The following MEGF11 variants were observed in gnomAD, a reference collection of about 807,000 sequenced individuals.
MEGF11 encodes the protein multiple epidermal growth factor-like domains protein 11.
A neutral mutation model predicts 146.6 loss-of-function variants in MEGF11; 126 were observed. The ratio of observed to expected loss-of-function variants is 0.86; its 90% confidence interval spans 0.74 to 1.00. MEGF11 has a LOEUF of 1.00. MEGF11 is among the 50% of genes least tolerant of loss of function. The pLI is 0.00. For synonymous variants in MEGF11, 532 were observed against 583.4 expected, an observed-to-expected ratio of 0.91 and a Z score of 1.27; for missense variants, 1,509 against 1,521.2, an observed-to-expected ratio of 0.99 and a Z score of 0.13.
intron 4 of MEGF11, among the ~76,000 whole-genome samples, chr15:66,100,840 G>A (rs371752554): frequency 6.9e-6 from 1 of 145,028 alleles, no homozygotes; most frequent in African/African-American, 2.6e-5. Context: ...GAATGAGTGA[G>A]TGAGCCACTG....
intron 1 of MEGF11, among the ~76,000 whole-genome samples, chr15:66,138,848 G>T (rs1394566032): frequency 6.6e-6 from 1 of 152,184 alleles, no homozygotes; most frequent in African/African-American, 2.4e-5. Context: ...TATCAGCATG[G>T]CTGGGTTTGG....
intron 5 of MEGF11, among the ~76,000 whole-genome samples, chr15:66,078,287 C>G (rs2085679317): frequency 6.6e-6 from 1 of 152,242 alleles, no homozygotes. Flanking sequence ...CAAAGCCCAG[C>G]CTCCTTCCCT....
At chr15:66,239,636 C>G (rs1050599552) in intron 1 of MEGF11, among the ~76,000 whole-genome samples, 3 of 152,212 alleles carry the variant, frequency 2.0e-5, no homozygotes, top group African/African-American at 7.2e-5. Flanking sequence ...CAGCCTCCCC[C>G]AGGGTGAGGG....
chr15:65,982,177 C>T lies in MEGF11; in HGVS notation c.641+65G>A. On this transcript the variant is annotated intron_variant, in intron 6 of 25. Transcript: ENST00000395614. This position sits in a 1 kb window ranked among gnomAD's most constrained non-coding sequence, Gnocchi z 5.6. ...CCCTCCACCTCCTCTACCCTCCCCA[C>T]CCAGGCACCCTCCAGGTCCCGCCCC... 1 of 1,489,158 alleles carries T rather than the reference C, an allele frequency of 6.7e-7. No individual in the cohort carries two copies. The highest frequency in any genetic ancestry group is 8.9e-7 in the Non-Finnish European group (1 of 1,119,138). The allele number at this position is 1,489,158 out of a possible 1,614,324, so 92.2% of individuals were successfully genotyped here. A position where few individuals can be genotyped will look rare whatever the true frequency, so the allele number is the denominator to read the frequency against.
intron 5 of MEGF11, among the ~76,000 whole-genome samples, chr15:66,041,225 C>T (rs2140296407): frequency 6.6e-6 from 1 of 152,306 alleles, no homozygotes; most frequent in Non-Finnish European, 1.5e-5. Flanking sequence ...CGGAACAGGT[C>T]TTTGGTAAGT....
intron 23 of MEGF11, among the ~76,000 whole-genome samples, chr15:65,908,652 A>G (rs2078702097): frequency 6.6e-6 from 1 of 152,232 alleles, no homozygotes; most frequent in African/African-American, 2.4e-5. Context: ...TATTGGCCAG[A>G]GAGCTAACTC....
intron 1 of MEGF11, among the ~76,000 whole-genome samples, chr15:66,236,723 G>A (rs2092100567): frequency 6.6e-6 from 1 of 152,128 alleles, no homozygotes; most frequent in African/African-American, 2.4e-5. Flanking sequence ...GGCTGTGGTG[G>A]TTGTTTGCAG....
chr15:65,914,971 C>G (rs149260571), intron 19 of MEGF11, among the ~76,000 whole-genome samples: 18 of 152,330 alleles, frequency 1.2e-4, no homozygotes, highest in Non-Finnish European at 2.4e-4. Context: ...GACTCCATCC[C>G]CTTTAGGCCC....
rs1354420640 is a variant in MEGF11, at chr15:66,119,177, A to C, written c.210T>G (p.Tyr70Ter). ...WFKCTRHRISYKTAYRRGLRT... is the reference protein window; with the variant it reads ...WFKCTRHRIS ...GGAGGCCTCTCCGATACGCCGTCTT[A>C]TAACTGATCCTAAGGCACAAGGGAG... The change falls in exon 4 of 26, where the codon TAT becomes TAG. Residue 70 changes from tyrosine to a stop codon, truncating the protein, a stop_gained. Coordinates refer to ENST00000395614, the MANE Select transcript of MEGF11 (RefSeq NM_001385028.1). LOFTEE classifies it high-confidence loss of function. 1.2e-5 allele frequency: 19 copies of C among 1,551,006 alleles called. No homozygotes were observed. The highest frequency in any genetic ancestry group is 1.7e-5 in the Non-Finnish European group (19 of 1,146,794).
At chr15:65,986,551 T>C (rs2081863603) in intron 5 of MEGF11, among the ~76,000 whole-genome samples, 1 of 152,166 alleles carries the variant, frequency 6.6e-6, no homozygotes, top group Non-Finnish European at 1.5e-5. Flanking sequence ...GAAAATTCAC[T>C]TAAAACACCT....
rs967651349 is a variant in MEGF11, at chr15:65,978,380, G to A, written c.762+2398C>T. On this transcript the variant is annotated intron_variant, in intron 7 of 25. Transcript: ENST00000395614. ...ATTCATACAAATCTGCAAGTTAAAT[G>A]CTATGTCAAAAATAGAAATTCAATT... is the stretch of plus-strand genomic sequence containing the variant. Among the ~76,000 whole-genome samples the A allele has an allele frequency of 3.3e-5, 5 of 152,314 alleles. No homozygotes were observed. The East Asian group carries it at 9.6e-4, about 29-fold the overall frequency.
At chr15:66,244,252 C>T (rs1178181280) in intron 1 of MEGF11, among the ~76,000 whole-genome samples, 2 of 152,170 alleles carry the variant, frequency 1.3e-5, no homozygotes, top group Non-Finnish European at 2.9e-5. Context: ...CTATGTCCTG[C>T]CCACTGTCAT....
chr15:65,996,742 T>TTC (rs2082212454), intron 5 of MEGF11, among the ~76,000 whole-genome samples: 1 of 152,204 alleles, frequency 6.6e-6, no homozygotes, highest in Non-Finnish European at 1.5e-5. Context: ...CACCTCAGCC[T>TTC]CCCAGAGTGC....
chr15:66,104,603 A>C (rs577760009), intron 4 of MEGF11, among the ~76,000 whole-genome samples: 16 of 152,226 alleles, frequency 1.1e-4, no homozygotes, highest in Non-Finnish European at 2.4e-4. Flanking sequence ...CATTGGCTTC[A>C]AAATGAGAAA....
intron 4 of MEGF11, among the ~76,000 whole-genome samples, chr15:66,095,531 C>T (rs924615863): frequency 6.6e-6 from 1 of 152,214 alleles, no homozygotes; most frequent in Non-Finnish European, 1.5e-5. Context: ...CTTTGATGGC[C>T]TCCCACCCAC....
chr15:66,132,891 G>A (rs901653042), intron 1 of MEGF11, among the ~76,000 whole-genome samples: 1 of 152,104 alleles, frequency 6.6e-6, no homozygotes, highest in Non-Finnish European at 1.5e-5. Context: ...GAGGGCAGGG[G>A]TTTCCATCTC....
chr15:66,217,221 A>C (rs1277212295), intron 1 of MEGF11, among the ~76,000 whole-genome samples: 1 of 152,356 alleles, frequency 6.6e-6, no homozygotes, highest in East Asian at 1.9e-4. Context: ...GGCACCTCAG[A>C]GACCAGCTGG....
chr15:66,216,779 A>G (rs2091596222), intron 1 of MEGF11, among the ~76,000 whole-genome samples: 1 of 152,208 alleles, frequency 6.6e-6, no homozygotes, highest in Non-Finnish European at 1.5e-5. Flanking sequence ...GTTGAAGGCT[A>G]CAGTATGCTG....
chr15:65,944,746 T>C (rs1056156757), intron 10 of MEGF11, among the ~76,000 whole-genome samples: 13 of 152,058 alleles, frequency 8.5e-5, no homozygotes, highest in Admixed American at 7.9e-4. Flanking sequence ...AAAACAATTA[T>C]AGGCTGAATG....
Sources: gnomAD v4.1 joint callset for allele counts (sites outside exome capture counted in the v4.1 genomes callset) on GRCh38, gnomAD v4.1.1 for gene constraint, Gnocchi (gnomAD v3.1) non-coding constraint, MANE v1.5 for transcripts, NCBI Gene and HGNC (gene_info 2026-07-23, HGNC 2026-07-21) for gene names.